The following RNF20 variants were observed in gnomAD, a reference collection of about 807,000 sequenced individuals.
RNF20 encodes E3 ubiquitin-protein ligase BRE1A.
In RNF20, 84 loss-of-function variants were observed where a neutral mutation model predicts 126.2. The ratio of observed to expected loss-of-function variants is 0.67; its 90% CI spans 0.56 to 0.80. The LOEUF (loss-of-function observed/expected upper bound fraction) is 0.80, where lower values mean the gene tolerates loss of function less well. Ranked by LOEUF, RNF20 falls within the 30% of genes least tolerant of loss-of-function variation. The pLI is 0.00. For missense variants in RNF20, 869 were observed against 1,188.2 expected (o/e 0.73, Z 3.95); for synonymous variants, 400 against 414.3 (o/e 0.97, Z 0.42).
chr9:101,552,762 C>A lies in RNF20; in HGVS notation c.1901+9C>A, dbSNP rs1235062518. The stretch of plus-strand genomic sequence containing the variant: ...TTGAAGATTGAACTCAAGTAAGAAC[C>A]ACATTTAGAGTAACAGTTTCGACTG... On this transcript the variant is annotated intron_variant, in intron 13 of 19. Coordinates refer to ENST00000389120, the MANE Select transcript of RNF20 (RefSeq NM_019592.7). The A allele has an allele frequency of 1.3e-6, 2 of 1,596,838 alleles. No individual in the cohort carries two copies. The highest frequency in any genetic ancestry group is 2.2e-5 in the East Asian group (1 of 44,772).
rs185030537 is a variant in RNF20, at chr9:101,559,154, G to T, written c.2382+1558G>T. On this transcript the variant is annotated intron_variant, in intron 16 of 19. Transcript: ENST00000389120. Reference sequence around the variant, plus strand: ...TATCCTACCACCATTTGTTGAATAGGGTGTCCCTTCCCACTTTATGTTTTT... The same window carrying T: ...TATCCTACCACCATTTGTTGAATAGTGTGTCCCTTCCCACTTTATGTTTTT... 6.2e-4 allele frequency among the ~76,000 whole-genome samples: 95 copies of T among 152,126 alleles called. 1 individual carries two copies. Among genetic ancestry groups the T allele is most frequent in the Admixed American group, 5.9e-4 (9 of 15,284 alleles).
At chr9:101,549,520 T>C (rs1024831877) in intron 9 of RNF20, among the ~76,000 whole-genome samples, 4 of 152,136 alleles carry the variant, frequency 2.6e-5, no homozygotes, top group Admixed American at 2.0e-4. Flanking sequence ...CGAGCCTGAC[T>C]AATGTCAGGC....
chr9:101,544,815 C>A lies in RNF20; in HGVS notation c.677C>A (p.Ala226Glu). Residue 226 changes from alanine (A) to glutamate (E), a missense_variant, in exon 6 of 20, where the codon GCA (alanine) becomes GAA (glutamate). Transcript: ENST00000389120. ...EAVQELNSFL[A>E]QENMRLQELT... ...GTGCAGGAGCTGAACTCTTTCCTCG[C>A]ACAGGAGAATATGAGGCTACAGGAA... 6.2e-7 allele frequency: 1 copy of A among 1,613,626 alleles called. No individual in the cohort carries two copies. Among genetic ancestry groups the A allele is most frequent in the East Asian group, 2.2e-5 (1 of 44,870 alleles).
chr9:101,535,956 G>A (rs997037124), intron 2 of RNF20, among the ~76,000 whole-genome samples: 1 of 152,212 alleles, frequency 6.6e-6, no homozygotes, highest in African/African-American at 2.4e-5. Flanking sequence ...ACTCTGAGCT[G>A]TACCACTTCC....
chr9:101,538,777 T>C (rs1056135822), intron 2 of RNF20, among the ~76,000 whole-genome samples: 2 of 152,182 alleles, frequency 1.3e-5, no homozygotes, highest in African/African-American at 4.8e-5. Flanking sequence ...CAAAAATTGG[T>C]GGTGTAATAA....
intron 1 of RNF20, chr9:101,534,222 C>T (rs1827148644): frequency 1.3e-5 from 2 of 152,170 alleles, no homozygotes; most frequent in Admixed American, 6.6e-5. Context: ...TCTTGTTAGT[C>T]TCGGTGATGG....
At chr9:101,553,516 G>A (rs1827482169) in intron 13 of RNF20, among the ~76,000 whole-genome samples, 1 of 152,126 alleles carries the variant, frequency 6.6e-6, no homozygotes, top group South Asian at 2.1e-4. Context: ...TCAAATCTAG[G>A]ATTAACAGTA....
chr9:101,536,338 T>G (rs967416246), intron 2 of RNF20, among the ~76,000 whole-genome samples: 1 of 152,234 alleles, frequency 6.6e-6, no homozygotes, highest in African/African-American at 2.4e-5. Context: ...TTAAAATGTT[T>G]TACATTTTGT....
chr9:101,546,359 A>G (rs1467436570), intron 6 of RNF20, among the ~76,000 whole-genome samples: 1 of 152,224 alleles, frequency 6.6e-6, no homozygotes, highest in Non-Finnish European at 1.5e-5. Flanking sequence ...GTGAGCTTAA[A>G]AAAGAGTATG....
intron 13 of RNF20, among the ~76,000 whole-genome samples, chr9:101,553,029 A>G (rs1263208584): frequency 6.6e-6 from 1 of 152,208 alleles, no homozygotes; most frequent in African/African-American, 2.4e-5. Context: ...TTGAGGTAAT[A>G]CTTCTGAGAA....
At position 101,540,811 on chromosome 9, in the gene RNF20, CT is replaced by C; in HGVS notation, c.467del (p.Phe156SerfsTer34). Reference protein sequence around the residue: ...DRERGEGQEPAFSFLATLASS... With the variant: ...DRERGEGQEPXFSFLATLASS... The stretch of plus-strand genomic sequence containing the variant: ...TCCTCAGGGGAAGGGCAAGAGCCAG[CT>C]TTCTCTTTCCTTGCTACTTTGGCCA... On this transcript the variant is annotated frameshift_variant, in exon 5 of 20. Transcript: ENST00000389120. LOFTEE classifies it high-confidence loss of function. 1 of 1,613,812 alleles carries C rather than the reference CT, an allele frequency of 6.2e-7. No individual in the cohort carries two copies. Among genetic ancestry groups the C allele is most frequent in the Non-Finnish European group, 8.5e-7 (1 of 1,179,994 alleles).
chr9:101,554,202 TTAAAA>T (rs1186735178), intron 14 of RNF20, 97 bp downstream of exon 14: 6 of 695,956 alleles, frequency 8.6e-6, no homozygotes, highest in Admixed American at 7.6e-5. Context: ...TTCTTTATCT[TTAAAA>T]TAAGTGTTTA....
chr9:101,554,634 A>G, intron 14 of RNF20, 60 bp from the exon 15 acceptor site: 1 of 1,460,566 alleles, frequency 6.8e-7, no homozygotes, highest in Non-Finnish European at 9.4e-7. Context: ...CACAGTATTA[A>G]TTGATTTTTG....
chr9:101,549,097 TAA>T (rs762230301), intron 9 of RNF20, among the ~76,000 whole-genome samples: 32 of 152,136 alleles, frequency 2.1e-4, no homozygotes, highest in Non-Finnish European at 3.5e-4. Context: ...AGTGTAGAAA[TAA>T]AGACACAAGA....
At chr9:101,547,772 A>G (rs1827376795) in intron 9 of RNF20, among the ~76,000 whole-genome samples, 1 of 152,234 alleles carries the variant, frequency 6.6e-6, no homozygotes, top group Non-Finnish European at 1.5e-5. Flanking sequence ...CTTTAAGATC[A>G]GGAACAGGAT....
At chr9:101,548,538 A>G (rs1654142965) in intron 9 of RNF20, among the ~76,000 whole-genome samples, 1 of 152,230 alleles carries the variant, frequency 6.6e-6, no homozygotes, top group African/African-American at 2.4e-5. Context: ...TAATGATTTC[A>G]CAGTGTATAT....
chr9:101,554,655 AT>A, intron 14 of RNF20, 38 bp from the exon 15 acceptor site: 1 of 1,585,560 alleles, frequency 6.3e-7, no homozygotes. Context: ...AAAATGTGTT[AT>A]AACTTTTTAT....
intron 2 of RNF20, among the ~76,000 whole-genome samples, chr9:101,537,464 A>T (rs971071789): frequency 2.0e-5 from 3 of 152,102 alleles, no homozygotes; most frequent in African/African-American, 7.2e-5. Flanking sequence ...TGACCTCTGA[A>T]TGGATAGGTA....
chr9:101,562,047 A>G, intron 19 of RNF20, 36 bp downstream of exon 19: 2 of 1,500,302 alleles, frequency 1.3e-6, no homozygotes, highest in Admixed American at 1.8e-5. Flanking sequence ...GTTTTTTGTC[A>G]AAGCTTTAAG....
Sources: gnomAD v4.1 joint callset for allele counts (sites outside exome capture counted in the v4.1 genomes callset) on GRCh38, gnomAD v4.1.1 for gene constraint, MANE v1.5 for transcripts, NCBI Gene and HGNC (gene_info 2026-07-23, HGNC 2026-07-21) for gene names.